GALM: variants seen among roughly 807,000 people sequenced by gnomAD.
The protein encoded by GALM is aldose 1-epimerase.
In GALM, 43 loss-of-function variants were observed where a neutral mutation model predicts 37.4. The ratio of observed to expected loss-of-function variants is 1.15; its 90% CI spans 0.90 to 1.48. GALM has a LOEUF of 1.48. Ranked by LOEUF, GALM falls within the 40% of genes most tolerant of loss-of-function variation. The probability of loss-of-function intolerance (pLI) is 0.00; values close to 1 mark genes in which losing one functional copy is unlikely to be tolerated. For synonymous variants in GALM, 199 were observed against 170.6 expected (o/e 1.17, Z -1.30); for missense variants, 456 against 419.1 (o/e 1.09, Z -0.77).
intron 4 of GALM, among the ~76,000 whole-genome samples, chr2:38,723,802 CAA>C (rs58412668): frequency 1.3e-5 from 2 of 151,158 alleles, no homozygotes; most frequent in African/African-American, 4.9e-5. Flanking sequence ...AAAAAACAAA[CAA>C]AAAAAAAAGC....
At chr2:38,702,210 A>G (rs1308730279) in intron 4 of GALM, among the ~76,000 whole-genome samples, 2 of 152,158 alleles carry the variant, frequency 1.3e-5, no homozygotes, top group African/African-American at 4.8e-5. Flanking sequence ...CTTAAGATCT[A>G]TCTTCCATGT....
intron 4 of GALM, among the ~76,000 whole-genome samples, chr2:38,708,543 C>A (rs1160006689): frequency 6.6e-6 from 1 of 151,958 alleles, no homozygotes; most frequent in African/African-American, 2.4e-5. Context: ...AGAGCGAGAC[C>A]ATCCCAGCTA....
chr2:38,687,786 G>A (rs143545846), intron 3 of GALM, among the ~76,000 whole-genome samples: 8 of 151,982 alleles, frequency 5.3e-5, no homozygotes, highest in African/African-American at 1.9e-4. Flanking sequence ...AGTTTCTGTC[G>A]TGTTTAGACA....
chr2:38,707,615 G>A lies in GALM; in HGVS notation c.634+17721G>A, dbSNP rs565205757. On this transcript the variant is annotated intron_variant, in intron 4 of 6. Coordinates refer to ENST00000272252, the MANE Select transcript of GALM (RefSeq NM_138801.3). ...CAGAAGCCAGACTGTAACCGTTTGA[G>A]AAGTGACAAAAAGTGAGGAAAGATT... 5.9e-5 allele frequency among the ~76,000 whole-genome samples: 9 copies of A among 152,244 alleles called. No homozygotes were observed. In the South Asian group the frequency reaches 1.7e-3, roughly 28 times the overall value.
chr2:38,689,774 G>A (rs1309677574), intron 3 of GALM, 39 bp from the exon 4 acceptor site: 2 of 1,175,480 alleles, frequency 1.7e-6, no homozygotes, highest in South Asian at 2.6e-5. Context: ...TATGAAATAA[G>A]ACTAAGCAGA....
chr2:38,698,078 G>A, intron 4 of GALM, among the ~76,000 whole-genome samples: 1 of 151,842 alleles, frequency 6.6e-6, no homozygotes, highest in East Asian at 1.9e-4. Context: ...CAATTAGCTG[G>A]GACTACAGGT....
At chr2:38,711,757 ATCACCACCATTATCACCATCACTG>A (rs1666168035) in intron 4 of GALM, among the ~76,000 whole-genome samples, 1 of 149,666 alleles carries the variant, frequency 6.7e-6, no homozygotes, top group Non-Finnish European at 1.5e-5. Flanking sequence ...CACCATCACT[ATCACCACCATTATCACCATCACTG>A]TCACCACCAT....
At chr2:38,704,493 C>T (rs1025066639) in intron 4 of GALM, among the ~76,000 whole-genome samples, 19 of 151,482 alleles carry the variant, frequency 1.3e-4, no homozygotes, top group African/African-American at 4.1e-4. Context: ...ACAGAGAGAC[C>T]CCATTTTTAC....
chr2:38,673,726 C>T (rs1344628275), intron 1 of GALM, among the ~76,000 whole-genome samples: 3 of 149,318 alleles, frequency 2.0e-5, no homozygotes, highest in Non-Finnish European at 4.4e-5. Context: ...AGGAGAATGG[C>T]GTGAACCTGG....
At chr2:38,687,868 T>C (rs748242764) in intron 3 of GALM, among the ~76,000 whole-genome samples, 12 of 152,186 alleles carry the variant, frequency 7.9e-5, no homozygotes, top group Non-Finnish European at 1.8e-4. Flanking sequence ...TGGGCCAGTC[T>C]TTCAGACCAT....
chr2:38,688,227 G>A (rs1314501243), intron 3 of GALM, among the ~76,000 whole-genome samples: 2 of 150,334 alleles, frequency 1.3e-5, no homozygotes, highest in Non-Finnish European at 3.0e-5. Flanking sequence ...AAAAAAAAAT[G>A]TGTACTGGGT....
chr2:38,684,270 C>T (rs1299756441), intron 3 of GALM, among the ~76,000 whole-genome samples: 1 of 152,092 alleles, frequency 6.6e-6, no homozygotes, highest in East Asian at 1.9e-4. Context: ...CTGGCTTTGT[C>T]AAAGAATATA....
intron 4 of GALM, among the ~76,000 whole-genome samples, chr2:38,724,551 T>C (rs777413275): frequency 6.6e-6 from 1 of 152,222 alleles, no homozygotes; most frequent in Non-Finnish European, 1.5e-5. Flanking sequence ...ATTTTCCATA[T>C]ACTTGATCAT....
At chr2:38,690,018 T>G in intron 4 of GALM, 124 bp downstream of exon 4, 1 of 593,754 alleles carries the variant, frequency 1.7e-6, no homozygotes. Flanking sequence ...AATAGAATTA[T>G]TCTAGTGGTA....
chr2:38,710,802 G>T (rs1334350382), intron 4 of GALM, among the ~76,000 whole-genome samples: 1 of 150,632 alleles, frequency 6.6e-6, no homozygotes, highest in Admixed American at 6.6e-5. Context: ...TGCCCAGGCT[G>T]GAGTGCAATG....
At chr2:38,669,038 G>A (rs1467566759) in intron 1 of GALM, 1 of 138,144 alleles carries the variant, frequency 7.2e-6, no homozygotes, top group Non-Finnish European at 1.5e-5. Context: ...TTTCTCCCTG[G>A]GAAAATGGGA....
intron 4 of GALM, among the ~76,000 whole-genome samples, chr2:38,695,376 C>T (rs1243626786): frequency 6.6e-6 from 1 of 152,186 alleles, no homozygotes; most frequent in Non-Finnish European, 1.5e-5. Context: ...TAAAGAAAAG[C>T]TGTACCATTT....
Position 38,731,800 on chromosome 2 carries a change from A to G in GALM, c.842A>G (p.Tyr281Cys), listed in dbSNP as rs370570697. The G allele has an allele frequency of 6.2e-7, 1 of 1,613,972 alleles. No homozygotes were observed. The highest frequency in any genetic ancestry group is 8.5e-7 in the Non-Finnish European group (1 of 1,179,882). Residue 281 changes from tyrosine to cysteine, a missense_variant, in exon 6 of 7, where the codon TAC becomes TGC. Physicochemically the swap from Tyr to Cys is radical, Grantham distance 194 (BLOSUM62 -2). Transcript: ENST00000272252. ...ACCACCCAGCCCGGGGTCCAGTTTT[A>G]CACGGGCAACTTCCTGGATGGCACA... is the stretch of plus-strand genomic sequence containing the variant. ...VYTTQPGVQFYTGNFLDGTLK... is the reference protein window; with the variant it reads ...VYTTQPGVQFCTGNFLDGTLK...
intron 4 of GALM, among the ~76,000 whole-genome samples, chr2:38,710,258 T>A (rs530279879): frequency 6.6e-6 from 1 of 152,318 alleles, no homozygotes; most frequent in East Asian, 1.9e-4. Flanking sequence ...CAGATGGTCC[T>A]AGGTCCACAC....
Sources: gnomAD v4.1 joint callset for allele counts (sites outside exome capture counted in the v4.1 genomes callset) on GRCh38, gnomAD v4.1.1 for gene constraint, MANE v1.5 for transcripts, NCBI Gene and HGNC (gene_info 2026-07-23, HGNC 2026-07-21) for gene names.